BDH1: variants seen among roughly 807,000 people sequenced by gnomAD.
BDH1 encodes 3-hydroxybutyrate dehydrogenase 1.
Under a neutral mutation model 33.1 loss-of-function variants are expected in BDH1, and 30 were observed. The observed-to-expected ratio is 0.91, with a 90% confidence interval of 0.68 to 1.23. The LOEUF is 1.23. Ranked by LOEUF, BDH1 falls within the 50% of genes most tolerant of loss-of-function variation. The pLI, the probability that BDH1 is intolerant of heterozygous loss-of-function variation, is 0.00. For missense variants in BDH1, 443 were observed against 464.4 expected, an observed-to-expected ratio of 0.95 and a Z score of 0.42; for synonymous variants, 190 against 183.6, an observed-to-expected ratio of 1.03 and a Z score of -0.28.
intron 2 of BDH1, among the ~76,000 whole-genome samples, chr3:197,553,256 T>C (rs1716715487): frequency 6.8e-6 from 1 of 147,010 alleles, no homozygotes; most frequent in Non-Finnish European, 1.5e-5. Flanking sequence ...TTTGGCTGGG[T>C]GTGGTGGCTC....
At chr3:197,561,348 T>A (rs928468805) in intron 1 of BDH1, among the ~76,000 whole-genome samples, 3 of 151,850 alleles carry the variant, frequency 2.0e-5, no homozygotes, top group Non-Finnish European at 4.4e-5. Flanking sequence ...CCCCCCCACC[T>A]TTTTTTTGGA....
intron 4 of BDH1, 152 bp from the exon 5 acceptor site, chr3:197,532,674 C>T: frequency 1.6e-6 from 1 of 618,488 alleles, no homozygotes; most frequent in Admixed American, 2.8e-5. Flanking sequence ...GGAGAAGCAC[C>T]ATGGTATAGT....
intron 2 of BDH1, among the ~76,000 whole-genome samples, chr3:197,552,266 G>A (rs555209963): frequency 7.2e-5 from 11 of 152,130 alleles, no homozygotes; most frequent in East Asian, 5.8e-4. Context: ...AGGATCCTCC[G>A]CTACCAGCCT....
At chr3:197,543,426 C>G (rs548358205) in intron 3 of BDH1, among the ~76,000 whole-genome samples, 97 of 152,366 alleles carry the variant, frequency 6.4e-4, no homozygotes, top group South Asian at 5.4e-3. Flanking sequence ...CCTGGCAGAG[C>G]TGAGCACTGG....
At position 197,511,501 on chromosome 3, in the gene BDH1, T is replaced by G. The variant is rs1482502570; in HGVS notation, c.*394A>C. On this transcript the variant is annotated 3_prime_UTR_variant, in exon 8 of 8. Coordinates refer to ENST00000392379, the MANE Select transcript of BDH1 (RefSeq NM_203314.3). ...TATAAGCGATAAAAGGGTTATTTCA[T>G]GCATCCTCTTTAAGCTGCAAATGCT... The G allele has an allele frequency of 1.8e-5, 4 of 220,744 alleles. No homozygotes were observed. The highest frequency in any genetic ancestry group is 3.5e-5 in the Non-Finnish European group (4 of 113,712). 13.7% of individuals were successfully genotyped at this position (220,744 alleles called of 1,614,324 possible). A position where few individuals can be genotyped will look rare whatever the true frequency, so the allele number is the denominator to read the frequency against.
intron 1 of BDH1, among the ~76,000 whole-genome samples, chr3:197,572,864 CAA>C (rs1717655775): frequency 6.6e-6 from 1 of 151,870 alleles, no homozygotes; most frequent in Non-Finnish European, 1.5e-5. Context: ...TGTATTACAA[CAA>C]GCTGTTTTAA....
At position 197,528,975 on chromosome 3, in the gene BDH1, C is replaced by A. The variant is rs1714392920; in HGVS notation, c.267+3437G>T. 3 of 152,250 alleles carry A rather than the reference C, an allele frequency of 2.0e-5. No homozygotes were observed. The highest frequency in any genetic ancestry group is 1.5e-5 in the Non-Finnish European group (1 of 68,064). 9.4% of individuals were successfully genotyped at this position (152,250 alleles called of 1,614,324 possible). Reference sequence around the variant, plus strand: ...TAAGCCAGCACAATGGCACAGAAGCCTAACATAGGACAAGGGACTTTACAA... The same window carrying A: ...TAAGCCAGCACAATGGCACAGAAGCATAACATAGGACAAGGGACTTTACAA... On this transcript the variant is annotated intron_variant, in intron 5 of 7. Coordinates refer to ENST00000392379, the MANE Select transcript of BDH1 (RefSeq NM_203314.3). This position sits in a 1 kb window ranked among gnomAD's most constrained non-coding sequence, Gnocchi z 5.1.
chr3:197,561,758 T>C (rs11185474), intron 1 of BDH1, among the ~76,000 whole-genome samples: 26,684 of 152,016 alleles, frequency 0.18, 3,161 homozygotes, highest in African/African-American at 0.33. Context: ...TGGCCAAAAT[T>C]TCTCACAGCT....
At chr3:197,532,347 T>A (rs576196903) in intron 5 of BDH1, 65 bp downstream of exon 5, 246 of 1,464,976 alleles carry the variant, frequency 1.7e-4, no homozygotes, top group Admixed American at 4.0e-4. Context: ...AAGCACTTTT[T>A]AAAAGACTAA....
At chr3:197,556,932 C>G (rs1446526202), upstream of BDH1, among the ~76,000 whole-genome samples, 1 of 152,206 alleles carries the variant, frequency 6.6e-6, no homozygotes, top group Non-Finnish European at 1.5e-5. Context: ...CCCCAAATCA[C>G]TAGGCTAAAG....
chr3:197,552,639 C>T (rs1448009595), intron 2 of BDH1, among the ~76,000 whole-genome samples: 1 of 152,192 alleles, frequency 6.6e-6, no homozygotes, highest in Non-Finnish European at 1.5e-5. Flanking sequence ...CCCTCAATAT[C>T]CACAGTCCTT....
chr3:197,572,973 A>G (rs1172636928), intron 1 of BDH1, among the ~76,000 whole-genome samples: 1 of 152,174 alleles, frequency 6.6e-6, no homozygotes, highest in Non-Finnish European at 1.5e-5. Flanking sequence ...CCCTATTGCT[A>G]CCAGGGACAG....
chr3:197,545,458 G>A (rs548084252), intron 3 of BDH1, among the ~76,000 whole-genome samples: 22 of 152,352 alleles, frequency 1.4e-4, no homozygotes, highest in Non-Finnish European at 2.1e-4. Flanking sequence ...TGCCGCAGGC[G>A]TCTTGCCACA....
At chr3:197,527,609 C>T (rs752306125) in intron 5 of BDH1, among the ~76,000 whole-genome samples, 4 of 152,260 alleles carry the variant, frequency 2.6e-5, no homozygotes, top group Admixed American at 6.5e-5. Context: ...GATCTGCTCC[C>T]GTGCCCCTCA....
intron 5 of BDH1, chr3:197,530,620 A>C (rs1714557315): frequency 6.6e-6 from 1 of 152,580 alleles, no homozygotes; most frequent in African/African-American, 2.4e-5. Context: ...ATAATAACAA[A>C]AATACAAAGT....
At position 197,522,632 on chromosome 3, in the gene BDH1, C is replaced by T. The variant is rs148513080; in HGVS notation, c.409+8G>A. The T allele has an allele frequency of 2.2e-5, 36 of 1,613,778 alleles. No homozygotes were observed. Among genetic ancestry groups the T allele is most frequent in the East Asian group, 6.7e-5 (3 of 44,888 alleles). On this transcript the variant is annotated splice_region_variant and intron_variant, in intron 6 of 7. Coordinates refer to ENST00000392379, the MANE Select transcript of BDH1 (RefSeq NM_203314.3). The surrounding 1 kb of genome is among the most constrained non-coding windows in gnomAD (Gnocchi z 4.8). The stretch of plus-strand genomic sequence containing the variant: ...ACACAACCCCTGCCGTCCGAAGGGG[C>T]GCCCTACCTTTCTCAGGGTCCTTCA...
At chr3:197,518,313 A>AC (rs56072912) in intron 6 of BDH1, among the ~76,000 whole-genome samples, 29 of 2,666 alleles carry the variant, frequency 0.011, 2 homozygotes, top group African/African-American at 0.055. Flanking sequence ...CCTCAGGCCG[A>AC]CCCCCCCCCA....
intron 7 of BDH1, among the ~76,000 whole-genome samples, chr3:197,512,687 G>T (rs903522236): frequency 2.6e-5 from 4 of 152,222 alleles, no homozygotes; most frequent in Non-Finnish European, 5.9e-5. Context: ...AACACGAGGG[G>T]AGAAGTGGGA....
chr3:197,522,715 G>A lies in BDH1; in HGVS notation c.334C>T (p.Leu112Phe), dbSNP rs1713687569. ...LNSDRLRTVQLNVCSSEEVEK... is the reference protein window; with the variant it reads ...LNSDRLRTVQFNVCSSEEVEK... The stretch of plus-strand genomic sequence containing the variant: ...ACCTCTTCGCTGCTGCAGACATTGA[G>A]CTGGACGGTTCTCAATCGGTCACTG... The change falls in exon 6 of 8, where the codon CTC (leucine) becomes TTC (phenylalanine). Residue 112 changes from leucine to phenylalanine, a missense_variant. Coordinates refer to ENST00000392379, the MANE Select transcript of BDH1 (RefSeq NM_203314.3). The surrounding 1 kb of genome is among the most constrained non-coding windows in gnomAD (Gnocchi z 4.8). The A allele has an allele frequency of 6.2e-7, 1 of 1,614,186 alleles. No homozygotes were observed. The highest frequency in any genetic ancestry group is 8.5e-7 in the Non-Finnish European group (1 of 1,180,028).
Sources: allele counts gnomAD v4.1 joint callset (sites outside exome capture counted in the v4.1 genomes callset), GRCh38; gene constraint gnomAD v4.1.1; non-coding constraint Gnocchi (gnomAD v3.1); transcripts MANE v1.5; gene names NCBI Gene and HGNC (gene_info 2026-07-23, HGNC 2026-07-21).